Variants in MYZAP observed in about 807,000 individuals in gnomAD.
The protein encoded by MYZAP is myocardial zonula adherens protein.
Under a neutral mutation model 69.4 loss-of-function variants are expected in MYZAP, and 66 were observed. The observed-to-expected ratio is 0.95, with a 90% CI of 0.78 to 1.17. The LOEUF is 1.17. Ranked by LOEUF, MYZAP falls within the 50% of genes most tolerant of loss-of-function variation. MYZAP has a pLI of 0.00. For missense variants in MYZAP, 611 were observed against 556.2 expected (o/e 1.10, Z -0.99); for synonymous variants, 256 against 205.9 (o/e 1.24, Z -2.09).
rs2039609610 is a variant in MYZAP, at chr15:57,684,677, A to G, written c.*179A>G. ...GAAAGTGAAGGCAGAGTGAGCAGGT[A>G]AGAGAGGGATATACAAGGTCACATT... On this transcript the variant is annotated 3_prime_UTR_variant, in exon 13 of 13. Transcript: ENST00000267853. 2 of 552,276 alleles carry G rather than the reference A, an allele frequency of 3.6e-6. No homozygotes were observed. Among genetic ancestry groups the G allele is most frequent in the Non-Finnish European group, 6.4e-6 (2 of 313,914 alleles). The allele number at this position is 552,276 out of a possible 1,614,324, so 34.2% of individuals were successfully genotyped here.
chr15:57,668,252 G>C (rs1346731071), intron 11 of MYZAP, among the ~76,000 whole-genome samples: 1 of 152,194 alleles, frequency 6.6e-6, no homozygotes, highest in African/African-American at 2.4e-5. Context: ...GAGCATTAGA[G>C]TACAACTCAT....
chr15:57,646,965 A>C, intron 10 of MYZAP: 1 of 985,408 alleles, frequency 1.0e-6, no homozygotes, highest in Non-Finnish European at 1.2e-6. Flanking sequence ...AGAACATGGC[A>C]GTTTTGCTGA....
rs183148146 is a variant in MYZAP at position 57,633,504 on chromosome 15, T to C, written c.805-109T>C. 68 of 1,381,838 alleles carry C rather than the reference T, an allele frequency of 4.9e-5. No homozygotes were observed. In the African/African-American group the frequency reaches 9.2e-4, roughly 19 times the overall value. 85.6% of individuals were successfully genotyped at this position (1,381,838 alleles called of 1,614,324 possible). On this transcript the variant is annotated intron_variant, in intron 7 of 12. Transcript: ENST00000267853. ...TGTGAGACACTTTCAGGTTCCAAGG[T>C]CATGTTTTAAAGAGAAATCGTGATC...
Position 57,621,680 on chromosome 15 carries a change from C to T in MYZAP, c.391C>T (p.Gln131Ter), listed in dbSNP as rs760226520. 3 of 1,613,834 alleles carry T rather than the reference C, an allele frequency of 1.9e-6. No homozygotes were observed. Among genetic ancestry groups the T allele is most frequent in the Admixed American group, 1.7e-5 (1 of 59,996 alleles). ...DYDEMRQKIR[Q>*]LTQELSVSHA... is the part of the protein sequence containing the mutation. ...TGATGAGATGAGACAGAAGATTCGACAGCTCACCCAGGAACTATCAGTAAG... is the reference window on the plus strand; with the variant it reads ...TGATGAGATGAGACAGAAGATTCGATAGCTCACCCAGGAACTATCAGTAAG... Residue 131 changes from glutamine to a stop codon, truncating the protein, a stop_gained, in exon 4 of 13, where the codon CAG becomes TAG. Coordinates refer to ENST00000267853, the MANE Select transcript of MYZAP (RefSeq NM_001018100.5). LOFTEE classifies it high-confidence loss of function.
intron 1 of MYZAP, among the ~76,000 whole-genome samples, chr15:57,593,216 C>CCCCCCCCCCCCCCT (rs1487161671): frequency 1.7e-5 from 1 of 60,066 alleles, no homozygotes; most frequent in African/African-American, 8.0e-5. Context: ...ACACACACAC[C>CCCCCCCCCCCCCCT]CCAGAATCCA....
At chr15:57,654,916 G>T (rs565750157) in intron 10 of MYZAP, among the ~76,000 whole-genome samples, 3 of 151,562 alleles carry the variant, frequency 2.0e-5, no homozygotes, top group Non-Finnish European at 4.4e-5. Context: ...TGTTTCTAAC[G>T]CAGTTTTTAT....
intron 12 of MYZAP, among the ~76,000 whole-genome samples, chr15:57,676,205 C>T (rs763023996): frequency 6.6e-6 from 1 of 151,938 alleles, no homozygotes; most frequent in Non-Finnish European, 1.5e-5. Flanking sequence ...GGCCTCCTTT[C>T]CTTACTTTAT....
chr15:57,608,825 C>A (rs1438844827), intron 2 of MYZAP, among the ~76,000 whole-genome samples: 2 of 152,224 alleles, frequency 1.3e-5, no homozygotes, highest in African/African-American at 4.8e-5. Flanking sequence ...TTTCCAAACA[C>A]ATAGCATCTC....
At chr15:57,614,248 A>C (rs2035291156) in intron 2 of MYZAP, among the ~76,000 whole-genome samples, 1 of 152,214 alleles carries the variant, frequency 6.6e-6, no homozygotes, top group Non-Finnish European at 1.5e-5. Context: ...ATTTATTGAG[A>C]GACTCATTGC....
chr15:57,617,893 T>G, intron 2 of MYZAP, 140 bp from the exon 3 acceptor site: 1 of 1,206,800 alleles, frequency 8.3e-7, no homozygotes, highest in East Asian at 2.6e-5. Context: ...TAGATGGGAT[T>G]TTTGCTCCCT....
At chr15:57,639,926 C>T (rs1393721497) in intron 10 of MYZAP, among the ~76,000 whole-genome samples, 3 of 152,118 alleles carry the variant, frequency 2.0e-5, no homozygotes, top group Admixed American at 6.5e-5. Context: ...GTCTGTCTCT[C>T]TCTCTCTCTC....
intron 1 of MYZAP, among the ~76,000 whole-genome samples, chr15:57,602,065 C>A (rs1252068980): frequency 4.6e-5 from 7 of 152,096 alleles, no homozygotes; most frequent in Admixed American, 3.9e-4. Context: ...CAAAGGTGGG[C>A]AGGTTGAACT....
At chr15:57,661,373 A>T in intron 10 of MYZAP, 77 bp from the exon 11 acceptor site, 2 of 1,044,442 alleles carry the variant, frequency 1.9e-6, no homozygotes, top group Non-Finnish European at 2.9e-6. Flanking sequence ...AACCAAGGGC[A>T]TCTATTCCAG....
chr15:57,667,658 C>T (rs565880741), intron 11 of MYZAP, among the ~76,000 whole-genome samples: 37 of 152,278 alleles, frequency 2.4e-4, no homozygotes, highest in African/African-American at 8.2e-4. Context: ...ATCTGTCCCA[C>T]GCTCTCTAAC....
At chr15:57,606,967 G>A (rs1162693120) in intron 2 of MYZAP, among the ~76,000 whole-genome samples, 24 of 152,188 alleles carry the variant, frequency 1.6e-4, no homozygotes, top group Non-Finnish European at 1.2e-4. Flanking sequence ...CACCCCTGCT[G>A]ATGAGCAGGA....
chr15:57,679,201 C>T (rs1174783619), intron 12 of MYZAP, among the ~76,000 whole-genome samples: 1 of 152,060 alleles, frequency 6.6e-6, no homozygotes, highest in East Asian at 1.9e-4. Flanking sequence ...TTAGTTGATG[C>T]TCAATAAACA....
rs551285140 is a variant in MYZAP, at chr15:57,664,785, T to A, written c.1203+3252T>A. On this transcript the variant is annotated intron_variant, in intron 11 of 12. Transcript: ENST00000267853. ...TTGCAGACTCCAGACTCAGACTACC[T>A]GAGTACAAATCTCAGCTCTGCCACT... Among the ~76,000 whole-genome samples the A allele has an allele frequency of 2.0e-5, 3 of 152,348 alleles. No individual in the cohort carries two copies. In the South Asian group the frequency reaches 6.2e-4, roughly 32 times the overall value.
At chr15:57,640,986 C>T (rs1436120020) in intron 10 of MYZAP, among the ~76,000 whole-genome samples, 2 of 152,228 alleles carry the variant, frequency 1.3e-5, no homozygotes, top group Non-Finnish European at 2.9e-5. Flanking sequence ...CAGTTAGCAT[C>T]TCAGTGAGCC....
chr15:57,632,776 C>T (rs1411551773), intron 7 of MYZAP, among the ~76,000 whole-genome samples: 4 of 152,226 alleles, frequency 2.6e-5, no homozygotes. Flanking sequence ...CCCCTTGTCT[C>T]TGTCTCTAAA....
Sources: gnomAD v4.1 joint callset for allele counts (sites outside exome capture counted in the v4.1 genomes callset) on GRCh38, gnomAD v4.1.1 for gene constraint, MANE v1.5 for transcripts, NCBI Gene and HGNC (gene_info 2026-07-23, HGNC 2026-07-21) for gene names.